COL4A1: variants seen among roughly 807,000 people sequenced by gnomAD.
COL4A1 encodes the protein collagen type IV alpha 1 chain, also known as collagen alpha-1(IV) chain.
In COL4A1, 40 loss-of-function variants were observed where a neutral mutation model predicts 216.6. The ratio of observed to expected loss-of-function variants is 0.18; its 90% CI spans 0.14 to 0.24. The LOEUF (loss-of-function observed/expected upper bound fraction) is 0.24. COL4A1 is among the 10% of genes least tolerant of loss of function. The pLI is 1.00. For synonymous variants in COL4A1, 839 were observed against 810.7 expected (o/e 1.03, Z -0.59); for missense variants, 1,628 against 2,196.8 (o/e 0.74, Z 5.18).
At chr13:110,290,706 G>A (rs1884047407) in intron 1 of COL4A1, among the ~76,000 whole-genome samples, 1 of 152,166 alleles carries the variant, frequency 6.6e-6, no homozygotes, top group Non-Finnish European at 1.5e-5. Context: ...ACATTTTAAA[G>A]CTTAGCAAGT....
At chr13:110,257,100 A>G (rs538722500) in intron 1 of COL4A1, among the ~76,000 whole-genome samples, 3 of 152,368 alleles carry the variant, frequency 2.0e-5, no homozygotes, top group African/African-American at 7.2e-5. Context: ...AGATTCTGAA[A>G]TGCTGCTGCA....
chr13:110,192,072 C>G, intron 24 of COL4A1, 142 bp downstream of exon 24: 1 of 823,526 alleles, frequency 1.2e-6, no homozygotes, highest in Non-Finnish European at 2.0e-6. Context: ...CATGGAGTCA[C>G]TCCAGAGGGC....
intron 1 of COL4A1, among the ~76,000 whole-genome samples, chr13:110,277,824 G>A (rs1310695365): frequency 6.6e-6 from 1 of 152,118 alleles, no homozygotes; most frequent in Non-Finnish European, 1.5e-5. Flanking sequence ...TAAGTTAAAG[G>A]TCACTCACTT....
rs768788917 is a variant in COL4A1, at chr13:110,200,823, A to G, written c.1120+31T>C. 5.0e-6 allele frequency: 8 copies of G among 1,609,278 alleles called. No individual in the cohort carries two copies. The Admixed American group carries it at 1.3e-4, about 27-fold the overall frequency. On this transcript the variant is annotated intron_variant, in intron 20 of 51. Transcript: ENST00000375820. ...TAAACAGCACAGAAGGTGTGCAAGT[A>G]TGCTATAACAAATCAGTTAAGGAGT...
intron 1 of COL4A1, among the ~76,000 whole-genome samples, chr13:110,300,877 C>T (rs1237659035): frequency 6.6e-6 from 1 of 152,156 alleles, no homozygotes; most frequent in Non-Finnish European, 1.5e-5. Context: ...CCCAAGTGGC[C>T]TGGAAAAGAT....
chr13:110,266,732 G>A (rs1319435062), intron 1 of COL4A1, among the ~76,000 whole-genome samples: 1 of 152,128 alleles, frequency 6.6e-6, no homozygotes, highest in Non-Finnish European at 1.5e-5. Context: ...TGGGTCTAAC[G>A]CTGACATGTT....
At chr13:110,293,232 G>T (rs1298868858) in intron 1 of COL4A1, among the ~76,000 whole-genome samples, 2 of 152,188 alleles carry the variant, frequency 1.3e-5, no homozygotes, top group East Asian at 3.9e-4. Context: ...GTAGGACTGT[G>T]GCACCTAGAG....
At chr13:110,188,246 T>G (rs1281450557) in intron 24 of COL4A1, among the ~76,000 whole-genome samples, 9 of 152,276 alleles carry the variant, frequency 5.9e-5, no homozygotes, top group African/African-American at 2.2e-4. Flanking sequence ...CACAATTCAC[T>G]TAATGTGAAT....
At chr13:110,269,355 C>T (rs1448311928) in intron 1 of COL4A1, among the ~76,000 whole-genome samples, 6 of 152,048 alleles carry the variant, frequency 3.9e-5, no homozygotes, top group East Asian at 1.9e-4. Context: ...ATTTTTCCTA[C>T]GACATAGAGA....
intron 49 of COL4A1, among the ~76,000 whole-genome samples, chr13:110,156,488 C>T (rs1289202170): frequency 6.6e-6 from 1 of 152,140 alleles, no homozygotes; most frequent in Non-Finnish European, 1.5e-5. Context: ...GTCCAAGGTC[C>T]AAGGCTGTCA....
chr13:110,177,478 T>C (rs1434717386), intron 33 of COL4A1, among the ~76,000 whole-genome samples: 1 of 152,192 alleles, frequency 6.6e-6, no homozygotes, highest in Non-Finnish European at 1.5e-5. Context: ...CAAATAACGA[T>C]AAGAAATAAA....
chr13:110,179,261 A>C lies in COL4A1; in HGVS notation c.2344+10T>G. The C allele has an allele frequency of 6.2e-7, 1 of 1,614,110 alleles. No individual in the cohort carries two copies. Among genetic ancestry groups the C allele is most frequent in the Non-Finnish European group, 8.5e-7 (1 of 1,180,014 alleles). On this transcript the variant is annotated intron_variant, in intron 30 of 51. Transcript: ENST00000375820. ...CTCGAAACCCTCCAGACTGATCTGC[A>C]TGAAGTTACCTCTGATCCCCTGAAG...
At chr13:110,218,385 T>C (rs574702332) in intron 2 of COL4A1, among the ~76,000 whole-genome samples, 4 of 152,198 alleles carry the variant, frequency 2.6e-5, no homozygotes, top group East Asian at 1.9e-4. Flanking sequence ...GGGTACCGGG[T>C]TTGGTACTGA....
At chr13:110,236,943 C>T (rs551183102) in intron 2 of COL4A1, among the ~76,000 whole-genome samples, 34 of 152,262 alleles carry the variant, frequency 2.2e-4, no homozygotes, top group Non-Finnish European at 4.0e-4. Context: ...GGCTGACCTG[C>T]CCCTTGTCAC....
rs781255955 is a variant in COL4A1, at chr13:110,268,408, C to T, written c.85-25674G>A. 3.3e-5 allele frequency among the ~76,000 whole-genome samples: 5 copies of T among 152,178 alleles called. No homozygotes were observed. Among genetic ancestry groups the T allele is most frequent in the Non-Finnish European group, 7.3e-5 (5 of 68,040 alleles). On this transcript the variant is annotated intron_variant, in intron 1 of 51. Coordinates refer to ENST00000375820, the MANE Select transcript of COL4A1 (RefSeq NM_001845.6). The surrounding 1 kb of genome is among the most constrained non-coding windows in gnomAD (Gnocchi z 4.1). ...GGTGAGTATGCAGAAGCCGGCATGGCCAGCTCTCTGCTCTCTTTAGAGAGA... is the reference window on the plus strand; with the variant it reads ...GGTGAGTATGCAGAAGCCGGCATGGTCAGCTCTCTGCTCTCTTTAGAGAGA...
chr13:110,158,932 G>T (rs1375043237), intron 49 of COL4A1, among the ~76,000 whole-genome samples: 1 of 151,952 alleles, frequency 6.6e-6, no homozygotes, highest in Admixed American at 6.6e-5. Context: ...TAGTAGAGAT[G>T]GGATTTCGCC....
rs1879669654 is a variant in COL4A1, at chr13:110,209,416, G to A, written c.627C>T (p.Gly209=). 6.2e-7 allele frequency: 1 copy of A among 1,609,122 alleles called. No individual in the cohort carries two copies. ...CCTTTTCACCTGGAGGGCCGGGAGGGCCTGGGGGACCCTGGGAGAGACAGC... is the reference window on the plus strand; with the variant it reads ...CCTTTTCACCTGGAGGGCCGGGAGGACCTGGGGGACCCTGGGAGAGACAGC... ...PGFTGPPGPP[G]PPGPPGEKGQ... The change falls in exon 11 of 52, where the codon GGC becomes GGT. Residue 209 remains glycine (G), a synonymous_variant. Transcript: ENST00000375820.
At chr13:110,219,728 GTATA>G (rs79968548) in intron 2 of COL4A1, among the ~76,000 whole-genome samples, 1 of 109,310 alleles carries the variant, frequency 9.1e-6, no homozygotes, top group Non-Finnish European at 1.9e-5. Context: ...ATATATGTGT[GTATA>G]TATATGTATA....
chr13:110,186,668 A>C, intron 25 of COL4A1, 115 bp from the exon 26 acceptor site: 1 of 1,321,202 alleles, frequency 7.6e-7, no homozygotes, highest in Non-Finnish European at 1.0e-6. Flanking sequence ...GGCTCACACT[A>C]TTTATTTACT....
Sources: gnomAD v4.1 joint callset for allele counts (sites outside exome capture counted in the v4.1 genomes callset) on GRCh38, gnomAD v4.1.1 for gene constraint, Gnocchi (gnomAD v3.1) non-coding constraint, MANE v1.5 for transcripts, NCBI Gene and HGNC (gene_info 2026-07-23, HGNC 2026-07-21) for gene names.